The following CD2AP variants were observed in gnomAD, a reference collection of about 807,000 sequenced individuals.
CD2AP encodes the protein CD2-associated protein.
A neutral mutation model predicts 85.1 loss-of-function variants in CD2AP; 46 were observed. The observed-to-expected ratio is 0.54, with a 90% confidence interval of 0.43 to 0.69. The LOEUF (loss-of-function observed/expected upper bound fraction) is 0.69. Ranked by LOEUF, CD2AP falls within the 30% of genes least tolerant of loss-of-function variation. The probability of loss-of-function intolerance (pLI) is 0.00; values close to 1 mark genes in which losing one functional copy is unlikely to be tolerated. For missense variants in CD2AP, 769 were observed against 729.5 expected (o/e 1.05, Z -0.62); for synonymous variants, 255 against 252.9 (o/e 1.01, Z -0.08).
chr6:47,596,493 C>A (rs941029488), intron 12 of CD2AP, among the ~76,000 whole-genome samples: 1 of 152,082 alleles, frequency 6.6e-6, no homozygotes, highest in African/African-American at 2.4e-5. Context: ...TTTTAGACTT[C>A]ACATTTGAGT....
At chr6:47,491,592 A>G (rs1765737604) in intron 1 of CD2AP, among the ~76,000 whole-genome samples, 1 of 152,130 alleles carries the variant, frequency 6.6e-6, no homozygotes, top group Non-Finnish European at 1.5e-5. Context: ...AACATTCTGT[A>G]GTCAATGCCC....
At chr6:47,569,919 G>C (rs1156776673) in intron 5 of CD2AP, among the ~76,000 whole-genome samples, 1 of 152,174 alleles carries the variant, frequency 6.6e-6, no homozygotes, top group African/African-American at 2.4e-5. Context: ...CTTACTGGTA[G>C]TACGTTGTGG....
chr6:47,592,356 G>A (rs2114125135), intron 11 of CD2AP, among the ~76,000 whole-genome samples: 1 of 152,174 alleles, frequency 6.6e-6, no homozygotes, highest in East Asian at 1.9e-4. Flanking sequence ...ACTGAAAATG[G>A]ATCATTGACC....
At chr6:47,482,378 G>GTT (rs1765467310) in intron 1 of CD2AP, among the ~76,000 whole-genome samples, 1 of 145,006 alleles carries the variant, frequency 6.9e-6, no homozygotes, top group African/African-American at 2.6e-5. Context: ...TGTTTTTTTT[G>GTT]TCTTTTTTTT....
At chr6:47,612,860 G>A (rs939330826) in intron 17 of CD2AP, among the ~76,000 whole-genome samples, 2 of 152,082 alleles carry the variant, frequency 1.3e-5, no homozygotes, top group Non-Finnish European at 2.9e-5. Flanking sequence ...AGGGTGGGAC[G>A]GATATTAGTG....
At chr6:47,540,128 AAC>A (rs1164782390) in intron 3 of CD2AP, among the ~76,000 whole-genome samples, 1 of 150,768 alleles carries the variant, frequency 6.6e-6, no homozygotes, top group Admixed American at 6.6e-5. Flanking sequence ...GATTGCAGTG[AAC>A]AGAGTTCTTA....
chr6:47,596,343 T>C (rs1768946633), intron 12 of CD2AP, among the ~76,000 whole-genome samples: 1 of 152,096 alleles, frequency 6.6e-6, no homozygotes, highest in Non-Finnish European at 1.5e-5. Context: ...GTCACTAAAA[T>C]GTACAATGGA....
intron 11 of CD2AP, among the ~76,000 whole-genome samples, chr6:47,582,780 GTTTTT>G (rs372960999): frequency 7.3e-6 from 1 of 136,786 alleles, no homozygotes; most frequent in East Asian, 2.2e-4. Context: ...TGTTTTTTTT[GTTTTT>G]TTTTGTTTTG....
rs557333673 is a variant in CD2AP at position 47,625,710 on chromosome 6, T to C, written c.*1483T>C. 2 of 151,950 alleles carry C rather than the reference T, an allele frequency of 1.3e-5. No individual in the cohort carries two copies. Among genetic ancestry groups the C allele is most frequent in the African/African-American group, 4.8e-5 (2 of 41,546 alleles). The allele number at this position is 151,950 out of a possible 1,614,324, so 9.4% of individuals were successfully genotyped here. On this transcript the variant is annotated 3_prime_UTR_variant, in exon 18 of 18. Transcript: ENST00000359314. Reference sequence around the variant, plus strand: ...TCCTTTAAATTTTAATCTTATAATATAGAAATCTTATGTAAATGAAATTTT... The same window carrying C: ...TCCTTTAAATTTTAATCTTATAATACAGAAATCTTATGTAAATGAAATTTT...
At chr6:47,581,940 G>A in intron 10 of CD2AP, 63 bp from the exon 11 acceptor site, 1 of 1,025,798 alleles carries the variant, frequency 9.7e-7, no homozygotes, top group Non-Finnish European at 1.5e-6. Flanking sequence ...CTTTTTAGAA[G>A]TGTAATTGTC....
intron 4 of CD2AP, among the ~76,000 whole-genome samples, chr6:47,553,471 C>T (rs1436348960): frequency 1.3e-5 from 2 of 151,010 alleles, no homozygotes; most frequent in Non-Finnish European, 2.9e-5. Context: ...CTCAGCTTCC[C>T]AGCTAGATGG....
At chr6:47,526,047 G>A (rs1766713544) in intron 2 of CD2AP, among the ~76,000 whole-genome samples, 1 of 152,132 alleles carries the variant, frequency 6.6e-6, no homozygotes, top group Admixed American at 6.5e-5. Flanking sequence ...ATGTTAATAT[G>A]TATGCTATTT....
At chr6:47,525,039 T>C (rs952714033) in intron 2 of CD2AP, among the ~76,000 whole-genome samples, 1 of 152,092 alleles carries the variant, frequency 6.6e-6, no homozygotes, top group Non-Finnish European at 1.5e-5. Context: ...TTAAGTAGTT[T>C]TTCCTGGATA....
chr6:47,526,186 A>G (rs1039541597), intron 2 of CD2AP, among the ~76,000 whole-genome samples: 2 of 152,182 alleles, frequency 1.3e-5, no homozygotes, highest in African/African-American at 4.8e-5. Context: ...TTGATAGCCA[A>G]AGAGTAGTCT....
intron 14 of CD2AP, among the ~76,000 whole-genome samples, chr6:47,606,495 A>G (rs986337742): frequency 6.6e-6 from 1 of 152,062 alleles, no homozygotes; most frequent in African/African-American, 2.4e-5. Context: ...GGAAATTATC[A>G]TGAGGCTATA....
chr6:47,572,723 G>A (rs893590586), intron 5 of CD2AP, among the ~76,000 whole-genome samples: 19 of 152,138 alleles, frequency 1.2e-4, no homozygotes, highest in Non-Finnish European at 2.2e-4. Context: ...AGGTCCCTGG[G>A]AAAGTCATTA....
chr6:47,570,600 GCTCT>G (rs1281553280), intron 5 of CD2AP, among the ~76,000 whole-genome samples: 1 of 53,976 alleles, frequency 1.9e-5, no homozygotes, highest in South Asian at 6.6e-4. Context: ...TGTGATCAGT[GCTCT>G]CTCTGTCACT....
At chr6:47,571,024 CT>C (rs1019833210) in intron 5 of CD2AP, among the ~76,000 whole-genome samples, 1 of 150,922 alleles carries the variant, frequency 6.6e-6, no homozygotes, top group Non-Finnish European at 1.5e-5. Context: ...CCTTCCCTGC[CT>C]TTTTTTTTGT....
intron 2 of CD2AP, among the ~76,000 whole-genome samples, chr6:47,526,978 A>G (rs1766745303): frequency 2.0e-5 from 3 of 152,124 alleles, no homozygotes; most frequent in African/African-American, 7.2e-5. Flanking sequence ...ATTAATAGCA[A>G]ATCAAAGTAA....
Sources: gnomAD v4.1 joint callset for allele counts (sites outside exome capture counted in the v4.1 genomes callset) on GRCh38, gnomAD v4.1.1 for gene constraint, MANE v1.5 for transcripts, NCBI Gene and HGNC (gene_info 2026-07-23, HGNC 2026-07-21) for gene names.